Variants in C6 observed in about 807,000 individuals in gnomAD.
C6 encodes complement component C6.
Under a neutral mutation model 112.9 loss-of-function variants are expected in C6, and 101 were observed. The observed-to-expected ratio is 0.89, with a 90% CI of 0.76 to 1.06. C6 has a LOEUF of 1.06. C6 is among the 50% of genes least tolerant of loss of function. C6 has a pLI of 0.00. For synonymous variants in C6, 431 were observed against 384.1 expected (o/e 1.12, Z -1.43); for missense variants, 1,202 against 1,104.6 (o/e 1.09, Z -1.25).
In C6 at chr5:41,149,468, T is replaced by A; in HGVS notation, c.2396A>T (p.Asp799Val). The change falls in exon 17 of 18, where the codon GAT (aspartate) becomes GTT (valine). Residue 799 changes from aspartate (D) to valine (V), a missense_variant. Coordinates refer to ENST00000337836, the MANE Select transcript of C6 (RefSeq NM_000065.5). ...PEEDCSHHSE[D>V]LCVFDTDSND... ...GGAGTCTGTGTCAAACACACAGAGA[T>A]CTTCTGAATGATGGCTGCCCAAGAG... The A allele has an allele frequency of 6.2e-7, 1 of 1,613,224 alleles. No individual in the cohort carries two copies. The highest frequency in any genetic ancestry group is 1.1e-5 in the South Asian group (1 of 91,070).
intron 3 of C6, among the ~76,000 whole-genome samples, chr5:41,200,447 G>A (rs1181829441): frequency 6.6e-6 from 1 of 152,166 alleles, no homozygotes; most frequent in Non-Finnish European, 1.5e-5. Context: ...TACTGACTTT[G>A]AAGTCAGAAA....
chr5:41,234,610 T>TG (rs1740137089), intron 1 of C6, among the ~76,000 whole-genome samples: 1 of 152,126 alleles, frequency 6.6e-6, no homozygotes, highest in Admixed American at 6.6e-5. Context: ...ATTTTATAAA[T>TG]GATTACTAAT....
intron 1 of C6, among the ~76,000 whole-genome samples, chr5:41,231,541 A>G (rs374940059): frequency 6.6e-6 from 1 of 152,162 alleles, no homozygotes; most frequent in African/African-American, 2.4e-5. Context: ...TACATGTAAT[A>G]TCTAAGCTAA....
intron 1 of C6, among the ~76,000 whole-genome samples, chr5:41,210,673 C>G (rs1195323009): frequency 6.6e-6 from 1 of 152,124 alleles, no homozygotes; most frequent in African/African-American, 2.4e-5. Context: ...AAATGCAGAT[C>G]AAAACCACAG....
intron 1 of C6, among the ~76,000 whole-genome samples, chr5:41,223,927 T>A (rs1415158680): frequency 6.6e-6 from 1 of 152,164 alleles, no homozygotes; most frequent in Non-Finnish European, 1.5e-5. Flanking sequence ...TCATTGTCAT[T>A]CTAGATATTG....
At chr5:41,249,397 C>G (rs908269588) in intron 1 of C6, among the ~76,000 whole-genome samples, 4 of 152,086 alleles carry the variant, frequency 2.6e-5, no homozygotes, top group Middle Eastern at 3.4e-3. Flanking sequence ...AATTTAAATG[C>G]TTGTAAATAC....
intron 9 of C6, among the ~76,000 whole-genome samples, chr5:41,169,319 A>T (rs1206731780): frequency 6.6e-6 from 1 of 151,932 alleles, no homozygotes; most frequent in East Asian, 1.9e-4. Context: ...ACACATACGC[A>T]CACACACACA....
At chr5:41,239,813 T>G (rs761109087) in intron 1 of C6, among the ~76,000 whole-genome samples, 15 of 152,184 alleles carry the variant, frequency 9.9e-5, no homozygotes, top group Non-Finnish European at 2.1e-4. Flanking sequence ...ATAAATTCCC[T>G]CAGTTTTTGC....
At chr5:41,227,348 A>T (rs1368461968) in intron 1 of C6, among the ~76,000 whole-genome samples, 1 of 151,880 alleles carries the variant, frequency 6.6e-6, no homozygotes, top group African/African-American at 2.4e-5. Context: ...TACATTTTGC[A>T]TATAAACTCT....
intron 1 of C6, among the ~76,000 whole-genome samples, chr5:41,226,295 T>C (rs1419795549): frequency 6.6e-6 from 1 of 152,090 alleles, no homozygotes; most frequent in African/African-American, 2.4e-5. Context: ...GGGCGAAGGA[T>C]ATGAACAGAC....
At chr5:41,143,222 C>G (rs1479647865) in intron 17 of C6, among the ~76,000 whole-genome samples, 3 of 152,122 alleles carry the variant, frequency 2.0e-5, no homozygotes, top group Admixed American at 6.6e-5. Context: ...ACCCCAAAGA[C>G]CCAACTGTGA....
intron 6 of C6, among the ~76,000 whole-genome samples, chr5:41,183,471 C>A (rs1749517639): frequency 6.6e-6 from 1 of 151,642 alleles, no homozygotes; most frequent in African/African-American, 2.4e-5. Context: ...ATTAAAAAGT[C>A]AAAAAAACAA....
chr5:41,155,772 C>CA (rs537526902), intron 13 of C6, among the ~76,000 whole-genome samples: 2,992 of 144,268 alleles, frequency 0.021, 75 homozygotes, highest in African/African-American at 0.055. Context: ...AAACCCAAAA[C>CA]AAAAAAAAAA....
chr5:41,192,077 C>T (rs1750261213), intron 5 of C6, among the ~76,000 whole-genome samples: 1 of 152,046 alleles, frequency 6.6e-6, no homozygotes, highest in African/African-American at 2.4e-5. Context: ...TAAGTTTCTT[C>T]TATTTCTAAT....
chr5:41,254,159 T>G (rs979302357), intron 1 of C6, among the ~76,000 whole-genome samples: 2 of 152,198 alleles, frequency 1.3e-5, no homozygotes, highest in African/African-American at 4.8e-5. Flanking sequence ...CCCAGCACTT[T>G]GGGAGGCCGA....
rs187062486 is a variant in C6 at position 41,190,778 on chromosome 5, A to G, written c.588-4570T>C. On this transcript the variant is annotated intron_variant, in intron 5 of 17. Coordinates refer to ENST00000337836, the MANE Select transcript of C6 (RefSeq NM_000065.5). ...TAAGCTATTTGGAGTTGATTTTTGTATAGCATGAGTGGTGGGGGTCCAGTT... is the reference window on the plus strand; with the variant it reads ...TAAGCTATTTGGAGTTGATTTTTGTGTAGCATGAGTGGTGGGGGTCCAGTT... Among the ~76,000 whole-genome samples, 344 of 152,284 alleles carry G rather than the reference A, an allele frequency of 2.3e-3. 2 individuals are homozygous for G. Among genetic ancestry groups the G allele is most frequent in the Admixed American group, 5.4e-3 (83 of 15,294 alleles).
At chr5:41,184,055 G>T (rs1008641177) in intron 6 of C6, among the ~76,000 whole-genome samples, 1 of 151,778 alleles carries the variant, frequency 6.6e-6, no homozygotes. Context: ...GGGATCATTT[G>T]TACCCCCAAC....
intron 1 of C6, among the ~76,000 whole-genome samples, chr5:41,225,846 T>C (rs1009561038): frequency 6.6e-6 from 1 of 152,142 alleles, no homozygotes; most frequent in Non-Finnish European, 1.5e-5. Context: ...AAACAAGCAA[T>C]GGGGAAAGGA....
At chr5:41,148,236 A>T (rs777024902) in intron 17 of C6, among the ~76,000 whole-genome samples, 1 of 152,182 alleles carries the variant, frequency 6.6e-6, no homozygotes, top group Non-Finnish European at 1.5e-5. Flanking sequence ...TAAATAAATC[A>T]TAGAATACCC....
Sources: gnomAD v4.1 joint callset for allele counts (sites outside exome capture counted in the v4.1 genomes callset) on GRCh38, gnomAD v4.1.1 for gene constraint, MANE v1.5 for transcripts, NCBI Gene and HGNC (gene_info 2026-07-23, HGNC 2026-07-21) for gene names.